The following SMYD4 variants were observed in gnomAD, a reference collection of about 807,000 sequenced individuals.
SMYD4 encodes the protein protein-lysine N-methyltransferase SMYD4.
SMYD4 carries 68 observed loss-of-function variants against 72.8 expected under a neutral mutation model. The ratio of observed to expected loss-of-function variants is 0.93; its 90% CI spans 0.77 to 1.14. The LOEUF is 1.14. Ranked by LOEUF, SMYD4 falls within the 50% of genes most tolerant of loss-of-function variation. The pLI is 0.00. For synonymous variants in SMYD4, 407 were observed against 388.6 expected (o/e 1.05, Z -0.56); for missense variants, 984 against 1,003.7 (o/e 0.98, Z 0.27).
intron 2 of SMYD4, among the ~76,000 whole-genome samples, chr17:1,819,329 C>A (rs1910780741): frequency 6.6e-6 from 1 of 152,134 alleles, no homozygotes; most frequent in Non-Finnish European, 1.5e-5. Flanking sequence ...TGCACTCCAG[C>A]CTGGGAGACA....
chr17:1,794,019 A>ATATATATG (rs1313572825), intron 5 of SMYD4, among the ~76,000 whole-genome samples: 3 of 68,280 alleles, frequency 4.4e-5, no homozygotes, highest in African/African-American at 1.5e-4. Flanking sequence ...ATATATATAT[A>ATATATATG]TGTGTGTATA....
chr17:1,789,534 C>T (rs929694661), intron 5 of SMYD4, among the ~76,000 whole-genome samples: 5 of 152,086 alleles, frequency 3.3e-5, no homozygotes, highest in South Asian at 4.1e-4. Context: ...GAGGCCAAGG[C>T]GGGCAGATCA....
intron 5 of SMYD4, among the ~76,000 whole-genome samples, chr17:1,788,669 C>T (rs1908836793): frequency 6.6e-6 from 1 of 151,962 alleles, no homozygotes; most frequent in Non-Finnish European, 1.5e-5. Context: ...CGCTTGAACC[C>T]CTGAGGACGT....
chr17:1,820,270 T>C (rs901130608), intron 2 of SMYD4, among the ~76,000 whole-genome samples: 2 of 151,798 alleles, frequency 1.3e-5, no homozygotes, highest in Admixed American at 1.3e-4. Context: ...TCCAGGGTCT[T>C]GCTCTGTTGC....
At chr17:1,806,012 C>T (rs1421622104) in intron 3 of SMYD4, among the ~76,000 whole-genome samples, 1 of 150,248 alleles carries the variant, frequency 6.7e-6, no homozygotes, top group African/African-American at 2.4e-5. Context: ...CAACCTCCAA[C>T]TCCCGGGTTC....
chr17:1,801,004 GTTAATGTCT>G lies in SMYD4; in HGVS notation c.381_389del (p.Lys127_Ile129del), dbSNP rs1909718419. On this transcript the variant is annotated inframe_deletion, in exon 5 of 11. Transcript: ENST00000305513. ...CTGGATACCCATGTGTCTGTGCTCT[GTTAATGTCT>G]TTAAGACACGTCTGAAAACAGAAAG... 6.2e-7 allele frequency: 1 copy of G among 1,608,892 alleles called. No individual in the cohort carries two copies. The highest frequency in any genetic ancestry group is 8.5e-7 in the Non-Finnish European group (1 of 1,175,700).
chr17:1,793,235 A>G (rs1909158294), intron 5 of SMYD4, among the ~76,000 whole-genome samples: 1 of 151,770 alleles, frequency 6.6e-6, no homozygotes, highest in Admixed American at 6.6e-5. Flanking sequence ...TATTTTTAAA[A>G]GTTGATTTTA....
intron 2 of SMYD4, among the ~76,000 whole-genome samples, chr17:1,821,025 C>T (rs1910859708): frequency 1.3e-5 from 2 of 151,906 alleles, no homozygotes; most frequent in African/African-American, 4.8e-5. Flanking sequence ...ACATACAGAG[C>T]AAACAAAAAT....
intron 2 of SMYD4, among the ~76,000 whole-genome samples, chr17:1,827,298 CACTG>C (rs1028396434): frequency 1.3e-5 from 2 of 150,640 alleles, no homozygotes; most frequent in Non-Finnish European, 2.9e-5. Flanking sequence ...GAGATTGCGC[CACTG>C]CACTCTAGCC....
At chr17:1,799,320 G>A (rs998937401) in intron 5 of SMYD4, among the ~76,000 whole-genome samples, 1 of 151,988 alleles carries the variant, frequency 6.6e-6, no homozygotes, top group Non-Finnish European at 1.5e-5. Context: ...AGTTAGCTGG[G>A]ATAAAACTAC....
chr17:1,799,864 T>A lies in SMYD4; in HGVS notation c.1530A>T (p.Gln510His). 1.3e-6 allele frequency: 2 copies of A among 1,593,520 alleles called. No homozygotes were observed. Among genetic ancestry groups the A allele is most frequent in the Non-Finnish European group, 8.6e-7 (1 of 1,167,142 alleles). The change falls in exon 5 of 11, where the codon CAA becomes CAT. Residue 510 changes from glutamine to histidine, a missense_variant. Coordinates refer to ENST00000305513, the MANE Select transcript of SMYD4 (RefSeq NM_052928.3). ...QCNAQAMTTI[Q>H]HTGPKGSIVT... is the part of the protein sequence containing the mutation. ...CATCAGGTTCCCTCTTACCTGTGTGTTGTATGGTGGTCATCGCCTGAGCGT... is the reference window on the plus strand; with the variant it reads ...CATCAGGTTCCCTCTTACCTGTGTGATGTATGGTGGTCATCGCCTGAGCGT...
chr17:1,805,329 A>C (rs1401469614), intron 3 of SMYD4, among the ~76,000 whole-genome samples: 1 of 152,042 alleles, frequency 6.6e-6, no homozygotes, highest in Non-Finnish European at 1.5e-5. Context: ...GAGGCATGAG[A>C]ATGGCTTGAA....
chr17:1,794,105 A>ATATATATATTT (rs1291818005), intron 5 of SMYD4, among the ~76,000 whole-genome samples: 2 of 12,992 alleles, frequency 1.5e-4, no homozygotes, highest in African/African-American at 3.6e-4. Flanking sequence ...ATATATATAT[A>ATATATATATTT]TTTTTTTTTT....
chr17:1,813,189 T>C (rs771494708), intron 2 of SMYD4, among the ~76,000 whole-genome samples: 1 of 152,244 alleles, frequency 6.6e-6, no homozygotes, highest in Admixed American at 6.5e-5. Flanking sequence ...TCCGCCTGCC[T>C]GGGCCTCCCA....
rs1382108443 is a variant in SMYD4 at position 1,805,522 on chromosome 17, T to A, written c.280-807A>T. Among the ~76,000 whole-genome samples the A allele has an allele frequency of 2.6e-5, 4 of 151,810 alleles. No individual in the cohort carries two copies. The East Asian group carries it at 5.9e-4, about 22-fold the overall frequency. ...GATGGTGATTACTCAGTAAAACTAC[T>A]GGGATGAGACCGGGCATGGTGGCTC... On this transcript the variant is annotated intron_variant, in intron 3 of 10. Transcript: ENST00000305513.
intron 4 of SMYD4, among the ~76,000 whole-genome samples, chr17:1,803,939 G>A (rs1285251373): frequency 3.3e-5 from 5 of 150,100 alleles, no homozygotes; most frequent in Admixed American, 1.3e-4. Flanking sequence ...GCAGTGGTGC[G>A]ATCTGGGCTC....
chr17:1,819,892 A>G (rs1283881751), intron 2 of SMYD4, among the ~76,000 whole-genome samples: 5 of 152,058 alleles, frequency 3.3e-5, no homozygotes, highest in Non-Finnish European at 7.4e-5. Flanking sequence ...GGTTCAAGCA[A>G]TTCTTCTGCC....
At chr17:1,827,367 G>GAAAAAAA (rs1911243180) in intron 2 of SMYD4, among the ~76,000 whole-genome samples, 1 of 148,084 alleles carries the variant, frequency 6.8e-6, no homozygotes, top group Non-Finnish European at 1.5e-5. Context: ...AAAAAAAAAA[G>GAAAAAAA]AAAAACAAAT....
chr17:1,822,720 C>A (rs1910957661), intron 2 of SMYD4, among the ~76,000 whole-genome samples: 1 of 152,058 alleles, frequency 6.6e-6, no homozygotes, highest in African/African-American at 2.4e-5. Flanking sequence ...CCGCCTTGGG[C>A]TCCCAACATG....
Sources: allele counts gnomAD v4.1 joint callset (sites outside exome capture counted in the v4.1 genomes callset), GRCh38; gene constraint gnomAD v4.1.1; transcripts MANE v1.5; gene names NCBI Gene and HGNC (gene_info 2026-07-23, HGNC 2026-07-21).